The following FAM117A variants were observed in gnomAD, a reference collection of about 807,000 sequenced individuals.
FAM117A encodes the protein protein FAM117A.
A neutral mutation model predicts 44.1 loss-of-function variants in FAM117A; 21 were observed. The observed-to-expected ratio is 0.48, with a 90% CI of 0.34 to 0.69. FAM117A has a LOEUF of 0.69. FAM117A is among the 30% of genes least tolerant of loss of function. The probability of loss-of-function intolerance (pLI) is 0.01; values close to 1 mark genes in which losing one functional copy is unlikely to be tolerated. For missense variants in FAM117A, 498 were observed against 589.9 expected, an observed-to-expected ratio of 0.84 and a Z score of 1.61; for synonymous variants, 220 against 238.3, an observed-to-expected ratio of 0.92 and a Z score of 0.71.
Position 49,711,174 on chromosome 17 carries a change from T to C in FAM117A, c.*81A>G, listed in dbSNP as rs1330711591. 5 of 1,358,554 alleles carry C rather than the reference T, an allele frequency of 3.7e-6. No homozygotes were observed. The East Asian group carries it at 7.0e-5, about 19-fold the overall frequency. 84.2% of individuals were successfully genotyped at this position (1,358,554 alleles called of 1,614,324 possible). A position where few individuals can be genotyped will look rare whatever the true frequency, so the allele number is the denominator to read the frequency against. On this transcript the variant is annotated 3_prime_UTR_variant, in exon 8 of 8. Coordinates refer to ENST00000240364, the MANE Select transcript of FAM117A (RefSeq NM_030802.4). ...AGGCCGAGAGGGAAGGGCCCCTCCA[T>C]ACCCCATCTCAGGGGACCTGGGGAG...
At chr17:49,745,921 T>A (rs956866639) in intron 1 of FAM117A, among the ~76,000 whole-genome samples, 1 of 152,172 alleles carries the variant, frequency 6.6e-6, no homozygotes, top group Admixed American at 6.5e-5. Flanking sequence ...CTAAATGACA[T>A]CTCTAGTCCA....
At position 49,719,787 on chromosome 17, in the gene FAM117A, C is replaced by G; in HGVS notation, c.681G>C (p.Lys227Asn). Residue 227 changes from lysine to asparagine, a missense_variant, in exon 5 of 8, where the codon AAG (lysine) becomes AAC (asparagine). This residue lies in a region of FAM117A where 224 missense variants were observed against 296.5 expected (regional missense o/e 0.76). Coordinates refer to ENST00000240364, the MANE Select transcript of FAM117A (RefSeq NM_030802.4). ...TCAGCAGCTCCTCTTCTCCCTGCTC[C>G]TTCACAAATACCTCCTCCAGCTCTT... is the stretch of plus-strand genomic sequence containing the variant. ...LNQELEEVFV[K>N]EQGEEELLRI... 1.3e-6 allele frequency: 2 copies of G among 1,598,498 alleles called. No individual in the cohort carries two copies. The highest frequency in any genetic ancestry group is 1.7e-6 in the Non-Finnish European group (2 of 1,173,716).
At chr17:49,765,091 A>C (rs918948686), upstream of FAM117A, among the ~76,000 whole-genome samples, 5 of 152,222 alleles carry the variant, frequency 3.3e-5, no homozygotes, top group Non-Finnish European at 5.9e-5. Flanking sequence ...GCAGTTGTGA[A>C]AAGCACATGA....
intron 1 of FAM117A, among the ~76,000 whole-genome samples, chr17:49,771,018 C>G (rs1567838380): frequency 1.3e-5 from 2 of 152,046 alleles, no homozygotes; most frequent in Non-Finnish European, 2.9e-5. Context: ...ACCAGCCTGG[C>G]CAACATGGAG....
At chr17:49,765,182 AT>A (rs749618644), upstream of FAM117A, among the ~76,000 whole-genome samples, 15 of 152,340 alleles carry the variant, frequency 9.8e-5, no homozygotes, top group Admixed American at 9.1e-4. Flanking sequence ...AAGAAAAAAA[AT>A]ATTACTCTTG....
chr17:49,764,179 G>T, upstream of FAM117A: 1 of 628,914 alleles, frequency 1.6e-6, no homozygotes, highest in Non-Finnish European at 2.4e-6. Flanking sequence ...ACGGGGCGGG[G>T]ACCGGCCCCC....
At chr17:49,720,457 C>T (rs746382012) in intron 3 of FAM117A, 21 bp from the exon 4 acceptor site, 26 of 1,604,076 alleles carry the variant, frequency 1.6e-5, no homozygotes, top group South Asian at 3.3e-5. Context: ...AGAGAGAAGA[C>T]GACAGAGGCA....
intron 1 of FAM117A, among the ~76,000 whole-genome samples, chr17:49,749,567 C>T (rs57296828): frequency 5.0e-5 from 6 of 120,702 alleles, no homozygotes; most frequent in African/African-American, 1.9e-4. Flanking sequence ...CAGAGCAAGA[C>T]TCCGTCTCAA....
Position 49,719,772 on chromosome 17 carries a change from C to G in FAM117A, c.696G>C (p.Glu232Asp). The part of the protein sequence containing the change: ...EEVFVKEQGE[E>D]ELLRILDIPD... ...AGCCGCCACTCACCCTCAGCAGCTC[C>G]TCTTCTCCCTGCTCCTTCACAAATA... Residue 232 changes from glutamate to aspartate, a missense_variant, in exon 5 of 8, where the codon GAG becomes GAC. Physicochemically the swap from Glu to Asp is conservative, Grantham distance 45 (BLOSUM62 2). This residue lies in a region of FAM117A where 224 missense variants were observed against 296.5 expected (regional missense o/e 0.76). Transcript: ENST00000240364. 2 of 1,587,592 alleles carry G rather than the reference C, an allele frequency of 1.3e-6. No homozygotes were observed. Among genetic ancestry groups the G allele is most frequent in the Non-Finnish European group, 1.7e-6 (2 of 1,169,324 alleles).
At chr17:49,718,513 C>CAA (rs930351168) in intron 5 of FAM117A, among the ~76,000 whole-genome samples, 1 of 151,132 alleles carries the variant, frequency 6.6e-6, no homozygotes, top group African/African-American at 2.4e-5. Flanking sequence ...CTCAAAGATA[C>CAA]AAAAAAAATT....
Position 49,756,923 on chromosome 17 carries a change from A to AG in FAM117A, c.196+6968_196+6969insC, listed in dbSNP as rs2073701130. Among the ~76,000 whole-genome samples, 6 of 151,640 alleles carry AG rather than the reference A, an allele frequency of 4.0e-5. No homozygotes were observed. In the South Asian group the frequency reaches 1.3e-3, roughly 32 times the overall value. On this transcript the variant is annotated intron_variant, in intron 1 of 7. Coordinates refer to ENST00000240364, the MANE Select transcript of FAM117A (RefSeq NM_030802.4). Reference sequence around the variant, plus strand: ...TAGAATGAGACTCTGCCTCAAAAAAAAAAAAAAAAAAGAGAGAGAGAAAGA... The same window carrying AG: ...TAGAATGAGACTCTGCCTCAAAAAAAGAAAAAAAAAAAGAGAGAGAGAAAGA...
At chr17:49,719,533 C>A in intron 5 of FAM117A, 1 of 434,740 alleles carries the variant, frequency 2.3e-6, no homozygotes, top group South Asian at 5.5e-5. Flanking sequence ...CAATCCTTGC[C>A]CCCTGTCTTT....
chr17:49,769,998 A>C (rs557810294), intron 1 of FAM117A, among the ~76,000 whole-genome samples: 17 of 152,136 alleles, frequency 1.1e-4, no homozygotes, highest in African/African-American at 4.1e-4. Context: ...AGGACCAGGC[A>C]TGGTGGCTCA....
In FAM117A at chr17:49,715,800, C is replaced by G. The variant is rs77089647; in HGVS notation, c.1061+365G>C. On this transcript the variant is annotated intron_variant, in intron 7 of 7. Coordinates refer to ENST00000240364, the MANE Select transcript of FAM117A (RefSeq NM_030802.4). ...GAAATACTAATATGTTCTCCCCACACCCCCCATCTCTCGCTCTCGCTCTCT... is the reference window on the plus strand; with the variant it reads ...GAAATACTAATATGTTCTCCCCACAGCCCCCATCTCTCGCTCTCGCTCTCT... Among the ~76,000 whole-genome samples, 695 of 152,272 alleles carry G rather than the reference C, an allele frequency of 4.6e-3. 6 individuals are homozygous for G. Among genetic ancestry groups the G allele is most frequent in the African/African-American group, 0.016 (667 of 41,554 alleles).
chr17:49,721,094 G>C (rs2073532157), intron 3 of FAM117A, among the ~76,000 whole-genome samples: 1 of 152,162 alleles, frequency 6.6e-6, no homozygotes, highest in African/African-American at 2.4e-5. Context: ...GATCTTAGAG[G>C]CCCTGAGACC....
chr17:49,769,988 A>C (rs1328208789), intron 1 of FAM117A, among the ~76,000 whole-genome samples: 1 of 151,902 alleles, frequency 6.6e-6, no homozygotes, highest in Non-Finnish European at 1.5e-5. Flanking sequence ...AAAAGAATTT[A>C]GGACCAGGCA....
chr17:49,719,454 G>A (rs1216007297), intron 5 of FAM117A, among the ~76,000 whole-genome samples: 1 of 152,226 alleles, frequency 6.6e-6, no homozygotes, highest in Non-Finnish European at 1.5e-5. Flanking sequence ...ACGGGGAACA[G>A]TGAGAACTGG....
chr17:49,711,227 A>G lies in FAM117A; in HGVS notation c.*28T>C, dbSNP rs376411312. On this transcript the variant is annotated 3_prime_UTR_variant, in exon 8 of 8. Coordinates refer to ENST00000240364, the MANE Select transcript of FAM117A (RefSeq NM_030802.4). ...ACCTGCCACCAAGGCACTGGTCTCT[A>G]TGGTAAAGTGGGGCAGGGGTGGGAC... 2 of 1,563,458 alleles carry G rather than the reference A, an allele frequency of 1.3e-6. No homozygotes were observed. Among genetic ancestry groups the G allele is most frequent in the Admixed American group, 1.8e-5 (1 of 54,546 alleles).
intron 1 of FAM117A, among the ~76,000 whole-genome samples, chr17:49,779,403 G>T (rs185039955): frequency 1.1e-4 from 16 of 152,328 alleles, no homozygotes; most frequent in African/African-American, 3.6e-4. Flanking sequence ...TCACTGGGGA[G>T]CCCCCAGAAC....
Sources: gnomAD v4.1 joint callset for allele counts (sites outside exome capture counted in the v4.1 genomes callset) on GRCh38, gnomAD v4.1.1 for gene constraint, gnomAD v4.1.1 regional missense constraint, MANE v1.5 for transcripts, NCBI Gene and HGNC (gene_info 2026-07-23, HGNC 2026-07-21) for gene names.